The following PABPC4L variants were observed in gnomAD, a reference collection of about 807,000 sequenced individuals.
PABPC4L encodes polyadenylate-binding protein 4-like.
For missense variants in PABPC4L, 452 were observed against 451.4 expected (o/e 1.00, Z -0.01); for synonymous variants, 169 against 164.1 (o/e 1.03, Z -0.23).
chr4:134,074,552 T>G, the PABPC4L span, among the ~76,000 whole-genome samples: 1 of 152,174 alleles, frequency 6.6e-6, no homozygotes, highest in African/African-American at 2.4e-5. Flanking sequence ...CCAAAGTCGC[T>G]TCCACATTTT....
At chr4:134,122,054 C>A in the PABPC4L span, among the ~76,000 whole-genome samples, 2 of 151,650 alleles carry the variant, frequency 1.3e-5, no homozygotes, top group African/African-American at 4.8e-5. Flanking sequence ...CATAGTAATT[C>A]TCAAGCAATA....
At chr4:134,144,439 A>G in the PABPC4L span, among the ~76,000 whole-genome samples, 1 of 151,578 alleles carries the variant, frequency 6.6e-6, no homozygotes, top group Non-Finnish European at 1.5e-5. Flanking sequence ...ACTTTAAAAG[A>G]CACAAATTTA....
chr4:134,063,928 G>C, the PABPC4L span, among the ~76,000 whole-genome samples: 1 of 151,856 alleles, frequency 6.6e-6, no homozygotes, highest in Admixed American at 6.6e-5. Context: ...TCTCAATGCT[G>C]AGAAAATTAA....
At position 134,200,619 on chromosome 4, in the gene PABPC4L, T is replaced by C. The variant is rs1729830795; in HGVS notation, c.401A>G (p.Gln134Arg). The change falls in exon 2 of 2, where the codon CAA becomes CGA. Residue 134 changes from glutamine to arginine, a missense_variant. Coordinates refer to ENST00000421491, the MANE Select transcript of PABPC4L (RefSeq NM_001114734.2). ...CACAAATGCATAGCCCTTGGAGCCT[T>C]GATCATCACTCATCACCTTGGAGGA... ...ILSSKVMSDD[Q>R]GSKGYAFVHF... The C allele has an allele frequency of 1.3e-6, 2 of 1,551,508 alleles. No homozygotes were observed. Among genetic ancestry groups the C allele is most frequent in the Admixed American group, 2.0e-5 (1 of 50,976 alleles).
chr4:134,185,127 T>A, the PABPC4L span, among the ~76,000 whole-genome samples: 4 of 152,164 alleles, frequency 2.6e-5, no homozygotes, highest in South Asian at 8.3e-4. Context: ...CTTGACAATA[T>A]ATTTTGTCAA....
the PABPC4L span, among the ~76,000 whole-genome samples, chr4:134,158,405 T>C: frequency 6.6e-6 from 1 of 152,196 alleles, no homozygotes; most frequent in African/African-American, 2.4e-5. Flanking sequence ...CAGATAATTT[T>C]CTAGGTAGGA....
chr4:134,142,048 GA>G, the PABPC4L span, among the ~76,000 whole-genome samples: 1 of 151,356 alleles, frequency 6.6e-6, no homozygotes, highest in Non-Finnish European at 1.5e-5. Context: ...TTATGCAGAG[GA>G]AAAAAAGTGA....
chr4:133,961,845 C>T, the PABPC4L span, among the ~76,000 whole-genome samples: 16 of 152,166 alleles, frequency 1.1e-4, no homozygotes, highest in African/African-American at 3.6e-4. Context: ...GCTAGAGGCT[C>T]ACCATTGTTC....
chr4:134,127,939 A>G, the PABPC4L span, among the ~76,000 whole-genome samples: 13 of 152,104 alleles, frequency 8.5e-5, no homozygotes, highest in African/African-American at 3.1e-4. Context: ...AAAATCTCCA[A>G]TGAAATAAAT....
chr4:133,973,221 C>T, the PABPC4L span, among the ~76,000 whole-genome samples: 21 of 152,062 alleles, frequency 1.4e-4, no homozygotes, highest in East Asian at 4.1e-3. Flanking sequence ...TTCAGACCCA[C>T]AATTTATTGG....
the PABPC4L span, among the ~76,000 whole-genome samples, chr4:134,105,414 A>G: frequency 6.6e-6 from 1 of 151,744 alleles, no homozygotes; most frequent in African/African-American, 2.4e-5. Context: ...TAATAGGTGT[A>G]TTAATATTAA....
At chr4:134,043,940 C>CTG in the PABPC4L span, among the ~76,000 whole-genome samples, 79 of 149,540 alleles carry the variant, frequency 5.3e-4, 3 homozygotes, top group East Asian at 2.0e-4. Context: ...CGACGGATGT[C>CTG]TGTGTGTGTG....
At chr4:134,031,375 T>C in the PABPC4L span, among the ~76,000 whole-genome samples, 1 of 151,984 alleles carries the variant, frequency 6.6e-6, no homozygotes, top group Non-Finnish European at 1.5e-5. Context: ...GTTTCTTCCA[T>C]GGGAATATAA....
At chr4:134,061,493 A>G in the PABPC4L span, among the ~76,000 whole-genome samples, 1 of 151,938 alleles carries the variant, frequency 6.6e-6, no homozygotes, top group Admixed American at 6.6e-5. Flanking sequence ...ATCTTAAAAG[A>G]CAACAGAGAT....
chr4:134,052,607 A>G, the PABPC4L span, among the ~76,000 whole-genome samples: 2 of 152,086 alleles, frequency 1.3e-5, no homozygotes, highest in African/African-American at 4.8e-5. Context: ...ACATGAAAAC[A>G]GAGCAAAGTC....
chr4:134,027,055 C>G, the PABPC4L span, among the ~76,000 whole-genome samples: 2 of 152,132 alleles, frequency 1.3e-5, no homozygotes, highest in African/African-American at 4.8e-5. Context: ...TACCCTGTTA[C>G]TTGTGCTTTT....
the PABPC4L span, among the ~76,000 whole-genome samples, chr4:133,992,011 T>C: frequency 6.6e-6 from 1 of 152,176 alleles, no homozygotes; most frequent in Non-Finnish European, 1.5e-5. Context: ...AATTATGATA[T>C]GTCCCATGCC....
the PABPC4L span, among the ~76,000 whole-genome samples, chr4:134,119,734 C>T: frequency 6.6e-6 from 1 of 151,722 alleles, no homozygotes; most frequent in East Asian, 1.9e-4. Context: ...ATTATGTTCT[C>T]CAAAATATAT....
At chr4:134,077,179 TAA>T in the PABPC4L span, among the ~76,000 whole-genome samples, 3 of 152,192 alleles carry the variant, frequency 2.0e-5, no homozygotes, top group Non-Finnish European at 4.4e-5. Flanking sequence ...TGGATTGAAT[TAA>T]GTTTCTTGAA....
Sources: allele counts gnomAD v4.1 joint callset (sites outside exome capture counted in the v4.1 genomes callset), GRCh38; gene constraint gnomAD v4.1.1; transcripts MANE v1.5; gene names NCBI Gene and HGNC (gene_info 2026-07-23, HGNC 2026-07-21).